The following RBMS3 variants were observed in gnomAD, a reference collection of about 807,000 sequenced individuals.
RBMS3 encodes the protein RNA-binding motif, single-stranded-interacting protein 3.
RBMS3 carries 27 observed loss-of-function variants against 66.8 expected under a neutral mutation model. The observed-to-expected ratio is 0.40, with a 90% CI of 0.30 to 0.56. The LOEUF (loss-of-function observed/expected upper bound fraction) is 0.56. Among genes scored for constraint, RBMS3 ranks in the 20% least tolerant of loss-of-function variants. The probability of loss-of-function intolerance (pLI) is 0.40; values close to 1 mark genes in which losing one functional copy is unlikely to be tolerated. For missense variants in RBMS3, 513 were observed against 549.5 expected (o/e 0.93, Z 0.66); for synonymous variants, 188 against 183.0 (o/e 1.03, Z -0.22).
At chr3:29,704,780 G>T (rs1228930146) in intron 4 of RBMS3, among the ~76,000 whole-genome samples, 1 of 152,184 alleles carries the variant, frequency 6.6e-6, no homozygotes, top group African/African-American at 2.4e-5. Context: ...AGATAGAAGG[G>T]AAGAATGCAG....
At chr3:29,460,605 A>G (rs1263872828) in intron 2 of RBMS3, among the ~76,000 whole-genome samples, 2 of 152,260 alleles carry the variant, frequency 1.3e-5, no homozygotes, top group Non-Finnish European at 2.9e-5. Context: ...TGAAGAGCTT[A>G]CATAAGAGCT....
intron 4 of RBMS3, among the ~76,000 whole-genome samples, chr3:29,688,109 C>G (rs2051814660): frequency 6.6e-6 from 1 of 152,058 alleles, no homozygotes; most frequent in African/African-American, 2.4e-5. Flanking sequence ...CAAGAGCTAG[C>G]TTTCTCATCT....
At chr3:29,413,282 A>G (rs1217534900) in intron 1 of RBMS3, among the ~76,000 whole-genome samples, 1 of 152,134 alleles carries the variant, frequency 6.6e-6, no homozygotes, top group Non-Finnish European at 1.5e-5. Flanking sequence ...AGGCAGGAGA[A>G]TCGCTTGAAA....
chr3:29,480,403 ACACACTTT>A lies in RBMS3; in HGVS notation c.249-8036_249-8029del, dbSNP rs565362120. ...TGGACTGAGGATTCAGCTTGTCTAC[ACACACTTT>A]CTGGAACATGATGGAAGAGAAGGGG... On this transcript the variant is annotated intron_variant, in intron 2 of 14. Transcript: ENST00000383767. Among the ~76,000 whole-genome samples the A allele has an allele frequency of 9.1e-4, 138 of 152,282 alleles. 1 individual carries two copies. The highest frequency in any genetic ancestry group is 3.0e-3 in the African/African-American group (126 of 41,548).
chr3:29,471,336 C>T (rs542929590), intron 2 of RBMS3, among the ~76,000 whole-genome samples: 33 of 152,220 alleles, frequency 2.2e-4, no homozygotes, highest in African/African-American at 7.9e-4. Context: ...TATGGGCATG[C>T]AATGTAGCTT....
chr3:29,656,801 C>G lies in RBMS3; in HGVS notation c.399+69596C>G, dbSNP rs111960996. 2.0e-3 allele frequency among the ~76,000 whole-genome samples: 306 copies of G among 152,290 alleles called. 2 individuals carry two copies. The highest frequency in any genetic ancestry group is 2.3e-3 in the Non-Finnish European group (158 of 68,032). ...TTTTTAATCACTGGACTCTCCCTCT[C>G]TCTCGTACATTAGTTAGGGTAGACT... is the stretch of plus-strand genomic sequence containing the variant. On this transcript the variant is annotated intron_variant, in intron 4 of 14. Coordinates refer to ENST00000383767, the MANE Select transcript of RBMS3 (RefSeq NM_001003793.3).
intron 4 of RBMS3, among the ~76,000 whole-genome samples, chr3:29,709,078 G>A (rs11924428): frequency 0.014 from 2,096 of 152,198 alleles, 53 homozygotes; most frequent in African/African-American, 0.048. Flanking sequence ...CACAGCTTGC[G>A]TTCTCCCTTC....
At chr3:29,863,474 A>T (rs912563637) in intron 6 of RBMS3, among the ~76,000 whole-genome samples, 19 of 152,176 alleles carry the variant, frequency 1.2e-4, no homozygotes, top group Non-Finnish European at 8.8e-5. Context: ...TAAAATTAAC[A>T]GTATATAATC....
At chr3:29,453,988 G>T (rs1404155093) in intron 2 of RBMS3, among the ~76,000 whole-genome samples, 1 of 152,198 alleles carries the variant, frequency 6.6e-6, no homozygotes, top group Non-Finnish European at 1.5e-5. Flanking sequence ...ACCAGTGACT[G>T]TAATGATAGT....
At chr3:29,629,698 T>C (rs1041122305) in intron 4 of RBMS3, among the ~76,000 whole-genome samples, 1 of 152,088 alleles carries the variant, frequency 6.6e-6, no homozygotes, top group African/African-American at 2.4e-5. Context: ...AAATGGTGAA[T>C]CAGCAGCTGG....
chr3:29,455,189 C>T (rs1184398108), intron 2 of RBMS3, among the ~76,000 whole-genome samples: 1 of 152,158 alleles, frequency 6.6e-6, no homozygotes, highest in Non-Finnish European at 1.5e-5. Flanking sequence ...TTGCCTATAT[C>T]TCGATCATCA....
intron 1 of RBMS3, among the ~76,000 whole-genome samples, chr3:29,413,861 A>C (rs2040374044): frequency 6.6e-6 from 1 of 152,206 alleles, no homozygotes; most frequent in South Asian, 2.1e-4. Flanking sequence ...CCATAAGATA[A>C]TAAATGCCTG....
chr3:29,960,810 G>A lies in RBMS3; in HGVS notation c.1098+16556G>A, dbSNP rs763855145. Among the ~76,000 whole-genome samples, 13 of 152,252 alleles carry A rather than the reference G, an allele frequency of 8.5e-5. No individual in the cohort carries two copies. The East Asian group carries it at 2.5e-3, about 29-fold the overall frequency. ...TGGCCCCTTTCTAGCCATGGCTGGA[G>A]CAGCTAACACAGAAGTCACTAAGTC... is the stretch of plus-strand genomic sequence containing the variant. On this transcript the variant is annotated intron_variant, in intron 12 of 14. Coordinates refer to ENST00000383767, the MANE Select transcript of RBMS3 (RefSeq NM_001003793.3).
At chr3:29,676,831 G>A (rs2149254556) in intron 4 of RBMS3, among the ~76,000 whole-genome samples, 1 of 152,150 alleles carries the variant, frequency 6.6e-6, no homozygotes, top group East Asian at 1.9e-4. Context: ...AAAACTAATT[G>A]CAGCATAGTT....
intron 1 of RBMS3, among the ~76,000 whole-genome samples, chr3:29,406,391 G>A (rs2040018047): frequency 6.6e-6 from 1 of 152,138 alleles, no homozygotes; most frequent in Admixed American, 6.5e-5. Context: ...AGCTATGACT[G>A]TAGCTTTTAG....
In RBMS3 at chr3:29,697,788, C is replaced by T. The variant is rs1270922833; in HGVS notation, c.400-41932C>T. On this transcript the variant is annotated intron_variant, in intron 4 of 14. Transcript: ENST00000383767. The stretch of plus-strand genomic sequence containing the variant: ...AACAAAGTTGCGACTGTTTTTTCTG[C>T]GACCCACCACATAAGATCAGATGTG... 2.6e-5 allele frequency among the ~76,000 whole-genome samples: 4 copies of T among 152,180 alleles called. No homozygotes were observed. The South Asian group carries it at 6.2e-4, about 24-fold the overall frequency.
At chr3:29,293,008 A>G (rs2032948125) in intron 1 of RBMS3, among the ~76,000 whole-genome samples, 1 of 151,800 alleles carries the variant, frequency 6.6e-6, no homozygotes. Flanking sequence ...TATGTAGACA[A>G]TTAGTGCTTT....
At chr3:29,718,664 C>A (rs1167126306) in intron 4 of RBMS3, among the ~76,000 whole-genome samples, 1 of 152,096 alleles carries the variant, frequency 6.6e-6, no homozygotes, top group Admixed American at 6.6e-5. Flanking sequence ...CAACCTTCTG[C>A]AGCTTTGGAA....
intron 6 of RBMS3, among the ~76,000 whole-genome samples, chr3:29,832,187 C>T (rs747936996): frequency 6.6e-6 from 1 of 152,140 alleles, no homozygotes; most frequent in South Asian, 2.1e-4. Context: ...AAAATGCAAT[C>T]AGTACATTTA....
Sources: gnomAD v4.1 joint callset for allele counts (sites outside exome capture counted in the v4.1 genomes callset) on GRCh38, gnomAD v4.1.1 for gene constraint, MANE v1.5 for transcripts, NCBI Gene and HGNC (gene_info 2026-07-23, HGNC 2026-07-21) for gene names.